Variants in COPG2 observed in about 807,000 individuals in gnomAD.
COPG2 encodes coat protein complex I subunit gamma 2.
COPG2 carries 37 observed loss-of-function variants against 46.3 expected under a neutral mutation model. The observed-to-expected ratio is 0.80, with a 90% CI of 0.61 to 1.05. The LOEUF is 1.05. COPG2 is among the 50% of genes least tolerant of loss of function. COPG2 has a pLI of 0.00. For synonymous variants in COPG2, 159 were observed against 129.7 expected (o/e 1.23, Z -1.53); for missense variants, 427 against 387.8 (o/e 1.10, Z -0.85).
At chr7:130,558,975 A>G (rs1233057891) in intron 12 of COPG2, among the ~76,000 whole-genome samples, 1 of 152,226 alleles carries the variant, frequency 6.6e-6, no homozygotes, top group Non-Finnish European at 1.5e-5. Flanking sequence ...AACATGAGTG[A>G]ATTACTCTAA....
rs1428760805 is a variant in COPG2, at chr7:130,555,091, G to T, written c.1170C>A (p.Tyr390Ter). ...TCATCATGACACTGTGCTTTCGAGGGTATTTCTGACAGAGAGCACTAATTG... is the reference window on the plus strand; with the variant it reads ...TCATCATGACACTGTGCTTTCGAGGTTATTTCTGACAGAGAGCACTAATTG... ...VQAISALCQKYPRKHSVMMTF... is the reference protein window; with the variant it reads ...VQAISALCQK Residue 390 changes from tyrosine (Y) to a stop codon, truncating the protein, a stop_gained, in exon 13 of 24, where the codon TAC (tyrosine) becomes TAA (stop). Transcript: ENST00000425248. LOFTEE classifies it high-confidence loss of function. 2 of 398,354 alleles carry T rather than the reference G, an allele frequency of 5.0e-6. No homozygotes were observed. The highest frequency in any genetic ancestry group is 8.8e-6 in the Non-Finnish European group (2 of 226,026). 24.7% of individuals were successfully genotyped at this position (398,354 alleles called of 1,614,324 possible).
chr7:130,546,591 T>C (rs1793447604), intron 20 of COPG2, among the ~76,000 whole-genome samples: 1 of 152,168 alleles, frequency 6.6e-6, no homozygotes, highest in African/African-American at 2.4e-5. Flanking sequence ...GGGAACAATC[T>C]GGGATTCAGA....
At chr7:130,534,517 A>T (rs1799860354) in intron 20 of COPG2, among the ~76,000 whole-genome samples, 1 of 152,188 alleles carries the variant, frequency 6.6e-6, no homozygotes, top group Non-Finnish European at 1.5e-5. Context: ...TGGGGGGCAC[A>T]GGCTTCATAC....
At position 130,507,864 on chromosome 7, in the gene COPG2, G is replaced by C. The variant is rs782013277; in HGVS notation, c.2248-41C>G. 6 of 773,058 alleles carry C rather than the reference G, an allele frequency of 7.8e-6. No individual in the cohort carries two copies. The highest frequency in any genetic ancestry group is 1.7e-5 in the African/African-American group (1 of 58,718). 47.9% of individuals were successfully genotyped at this position (773,058 alleles called of 1,614,324 possible). On this transcript the variant is annotated intron_variant, in intron 21 of 23. Coordinates refer to ENST00000425248, the MANE Select transcript of COPG2 (RefSeq NM_012133.6). ...CAGTCAGTAAAGAAAAGTCCTTTCT[G>C]TTATAGGGCAAAGATAAAGGAACTA...
chr7:130,620,851 T>C (rs1795027491), intron 5 of COPG2, among the ~76,000 whole-genome samples: 1 of 152,192 alleles, frequency 6.6e-6, no homozygotes, highest in African/African-American at 2.4e-5. Context: ...GTAGGATGGA[T>C]GTAAATCTTT....
intron 20 of COPG2, among the ~76,000 whole-genome samples, chr7:130,517,113 T>A (rs1204675581): frequency 1.3e-5 from 2 of 151,258 alleles, no homozygotes; most frequent in Non-Finnish European, 2.9e-5. Context: ...AAGAAAGGAA[T>A]GGAAGAAGAA....
intron 20 of COPG2, among the ~76,000 whole-genome samples, chr7:130,535,378 T>C (rs1799868471): frequency 2.0e-5 from 3 of 150,696 alleles, no homozygotes; most frequent in East Asian, 4.0e-4. Flanking sequence ...GAAAGCGTGG[T>C]GGAAGGGAGC....
At chr7:130,593,471 C>T (rs1554449299) in intron 9 of COPG2, among the ~76,000 whole-genome samples, 2 of 152,160 alleles carry the variant, frequency 1.3e-5, no homozygotes, top group Non-Finnish European at 2.9e-5. Flanking sequence ...CTGGAAAATA[C>T]TCTTACAGAA....
At chr7:130,523,207 T>A (rs1238884194) in intron 20 of COPG2, among the ~76,000 whole-genome samples, 1 of 148,160 alleles carries the variant, frequency 6.7e-6, no homozygotes, top group Non-Finnish European at 1.5e-5. Context: ...AAGGTGGCTG[T>A]CCACATCAGT....
intron 20 of COPG2, among the ~76,000 whole-genome samples, chr7:130,538,881 G>A (rs1799909685): frequency 6.6e-6 from 1 of 152,112 alleles, no homozygotes; most frequent in African/African-American, 2.4e-5. Flanking sequence ...CACTACAGAG[G>A]TGCAGTGAAG....
At chr7:130,668,477 C>G (rs548325418) in intron 1 of COPG2, among the ~76,000 whole-genome samples, 155 bp downstream of exon 1, 1 of 149,798 alleles carries the variant, frequency 6.7e-6, no homozygotes, top group Admixed American at 6.6e-5. Flanking sequence ...AGGCCCCGGG[C>G]AGCCGCGAGG....
chr7:130,591,745 G>A (rs1258623376), intron 9 of COPG2, among the ~76,000 whole-genome samples: 26 of 135,084 alleles, frequency 1.9e-4, no homozygotes, highest in East Asian at 9.2e-4. Flanking sequence ...TCAGCCCCCC[G>A]CCCGGCCAGC....
At chr7:130,508,903 CTG>C (rs1355385093) in intron 20 of COPG2, 8 of 546,304 alleles carry the variant, frequency 1.5e-5, no homozygotes, top group Non-Finnish European at 2.6e-5. Context: ...CATGGGCAGA[CTG>C]TTTCTCTATT....
At chr7:130,655,565 C>T (rs990386180) in intron 4 of COPG2, among the ~76,000 whole-genome samples, 2 of 152,144 alleles carry the variant, frequency 1.3e-5, no homozygotes, top group African/African-American at 4.8e-5. Context: ...CCCTCTCCTC[C>T]TTCCTTCTCT....
At chr7:130,599,158 A>G (rs1554450053) in intron 9 of COPG2, among the ~76,000 whole-genome samples, 1 of 152,150 alleles carries the variant, frequency 6.6e-6, no homozygotes, top group Middle Eastern at 3.2e-3. Flanking sequence ...TCAACCCTTA[A>G]GAATAAGGGA....
intron 20 of COPG2, among the ~76,000 whole-genome samples, chr7:130,523,573 G>A (rs997408070): frequency 6.6e-6 from 1 of 152,288 alleles, no homozygotes. Context: ...CACAGTTCCC[G>A]ACAGACCAGG....
At chr7:130,577,500 G>A (rs529024099) in intron 9 of COPG2, among the ~76,000 whole-genome samples, 4 of 152,232 alleles carry the variant, frequency 2.6e-5, no homozygotes, top group African/African-American at 9.6e-5. Context: ...GGTGGCTCAC[G>A]CCTGTAATCC....
chr7:130,631,378 C>CA (rs1795228630), intron 5 of COPG2, among the ~76,000 whole-genome samples: 1 of 151,836 alleles, frequency 6.6e-6, no homozygotes, highest in Non-Finnish European at 1.5e-5. Context: ...GGCTGGTCTC[C>CA]AACTCCTGAC....
chr7:130,538,393 T>G (rs1237729544), intron 20 of COPG2, among the ~76,000 whole-genome samples: 1 of 152,124 alleles, frequency 6.6e-6, no homozygotes, highest in East Asian at 1.9e-4. Context: ...GGGAGCTTAG[T>G]GTCCGTACAG....
Sources: gnomAD v4.1 joint callset for allele counts (sites outside exome capture counted in the v4.1 genomes callset) on GRCh38, gnomAD v4.1.1 for gene constraint, MANE v1.5 for transcripts, NCBI Gene and HGNC (gene_info 2026-07-23, HGNC 2026-07-21) for gene names.